TNNI3K: variants seen among roughly 807,000 people sequenced by gnomAD.
The protein encoded by TNNI3K is TNNI3 interacting kinase.
TNNI3K carries 140 observed loss-of-function variants against 114.5 expected under a neutral mutation model. The ratio of observed to expected loss-of-function variants is 1.22; its 90% CI spans 1.07 to 1.41. The LOEUF is 1.41. Ranked by LOEUF, TNNI3K falls within the 40% of genes most tolerant of loss-of-function variation. The pLI is 0.00. For synonymous variants in TNNI3K, 347 were observed against 347.5 expected (o/e 1.00, Z 0.02); for missense variants, 1,125 against 1,007.6 (o/e 1.12, Z -1.58).
chr1:74,339,013 G>A (rs1307411062), intron 7 of TNNI3K, among the ~76,000 whole-genome samples: 1 of 151,974 alleles, frequency 6.6e-6, no homozygotes, highest in South Asian at 2.1e-4. Context: ...CTCTTCCAAG[G>A]GGTCAGGAAC....
At chr1:74,286,370 A>G (rs1242535811) in intron 5 of TNNI3K, among the ~76,000 whole-genome samples, 1 of 151,876 alleles carries the variant, frequency 6.6e-6, no homozygotes, top group African/African-American at 2.4e-5. Flanking sequence ...GGCTCATTCT[A>G]ATATCAGACC....
intron 5 of TNNI3K, among the ~76,000 whole-genome samples, chr1:74,327,777 CTAAGTA>C (rs1299443583): frequency 6.8e-6 from 1 of 147,748 alleles, no homozygotes; most frequent in African/African-American, 2.5e-5. Context: ...TTATATAAAT[CTAAGTA>C]TGATACAATT....
chr1:74,489,447 A>C (rs1250290237), intron 22 of TNNI3K, among the ~76,000 whole-genome samples, 199 bp downstream of exon 22: 1 of 152,226 alleles, frequency 6.6e-6, no homozygotes, highest in African/African-American at 2.4e-5. Context: ...GTCAGAGTGA[A>C]TTCGAGACCT....
chr1:74,533,487 T>C (rs1193924921), intron 23 of TNNI3K, among the ~76,000 whole-genome samples: 1 of 152,096 alleles, frequency 6.6e-6, no homozygotes, highest in African/African-American at 2.4e-5. Context: ...GTTCAACCAT[T>C]GTGGAAGTCA....
intron 21 of TNNI3K, chr1:74,471,385 A>G (rs1667925333): frequency 7.5e-6 from 3 of 400,592 alleles, no homozygotes; most frequent in Non-Finnish European, 1.3e-5. Context: ...AGGAGGCAAC[A>G]ATACCTGCTT....
chr1:74,415,164 T>C (rs1428485155), intron 17 of TNNI3K, among the ~76,000 whole-genome samples: 1 of 152,148 alleles, frequency 6.6e-6, no homozygotes, highest in African/African-American at 2.4e-5. Flanking sequence ...TCCCTCAGGT[T>C]GAAACAGTTT....
rs2100304367 is a variant in TNNI3K, at chr1:74,492,096, G to T, written c.2182-1G>T. On this transcript the variant is annotated splice_acceptor_variant, in intron 22 of 24. Coordinates refer to ENST00000326637, the MANE Select transcript of TNNI3K (RefSeq NM_015978.3). LOFTEE classifies it high-confidence loss of function. ...ATTGAAATTGCCCCTCCTCCACTCA[G>T]CTGATGTCTCCTGCATCAAGTAACA... is the stretch of plus-strand genomic sequence containing the variant. 1 of 1,560,008 alleles carries T rather than the reference G, an allele frequency of 6.4e-7. No homozygotes were observed. The highest frequency in any genetic ancestry group is 8.7e-7 in the Non-Finnish European group (1 of 1,144,030).
At chr1:74,238,375 GTAAAT>G in intron 2 of TNNI3K, among the ~76,000 whole-genome samples, 1 of 152,020 alleles carries the variant, frequency 6.6e-6, no homozygotes, top group Non-Finnish European at 1.5e-5. Flanking sequence ...TCAAAATGAG[GTAAAT>G]TAAATACTAA....
chr1:74,342,790 G>A, intron 7 of TNNI3K, 52 bp from the exon 8 acceptor site: 1 of 1,603,918 alleles, frequency 6.2e-7, no homozygotes, highest in Non-Finnish European at 8.5e-7. Flanking sequence ...TATGAAGGTT[G>A]AGAAACAAAC....
intron 5 of TNNI3K, among the ~76,000 whole-genome samples, chr1:74,330,143 TG>T (rs1220766023): frequency 6.6e-6 from 1 of 152,056 alleles, no homozygotes; most frequent in African/African-American, 2.4e-5. Flanking sequence ...TTAACAAGTT[TG>T]TTGTGAAAGG....
intron 11 of TNNI3K, among the ~76,000 whole-genome samples, chr1:74,363,117 G>A (rs1662058036): frequency 6.6e-6 from 1 of 152,056 alleles, no homozygotes; most frequent in African/African-American, 2.4e-5. Context: ...TTATCTGGGT[G>A]TATCCATTAT....
At chr1:74,531,564 C>T (rs1285835813) in intron 23 of TNNI3K, among the ~76,000 whole-genome samples, 1 of 152,154 alleles carries the variant, frequency 6.6e-6, no homozygotes, top group Non-Finnish European at 1.5e-5. Flanking sequence ...CTGTTTTCAG[C>T]TAAATGCCAA....
intron 17 of TNNI3K, among the ~76,000 whole-genome samples, chr1:74,388,367 C>T (rs534344223): frequency 1.3e-5 from 2 of 152,262 alleles, no homozygotes; most frequent in African/African-American, 4.8e-5. Flanking sequence ...GCTTTGTTTA[C>T]ATTAATCATC....
chr1:74,532,938 G>A (rs1407878345), intron 23 of TNNI3K, among the ~76,000 whole-genome samples: 2 of 152,030 alleles, frequency 1.3e-5, no homozygotes, highest in Non-Finnish European at 2.9e-5. Context: ...AGACTTAAAC[G>A]CTAGACCTAA....
intron 17 of TNNI3K, among the ~76,000 whole-genome samples, chr1:74,390,702 A>G (rs995592801): frequency 6.6e-6 from 1 of 152,148 alleles, no homozygotes; most frequent in African/African-American, 2.4e-5. Context: ...GACAGATAAT[A>G]ATATAAATAA....
intron 23 of TNNI3K, among the ~76,000 whole-genome samples, chr1:74,514,271 G>T (rs563665670): frequency 5.9e-5 from 9 of 152,232 alleles, no homozygotes; most frequent in African/African-American, 2.2e-4. Context: ...GTTTTAAAGC[G>T]TTTTCACACA....
At chr1:74,417,683 TG>T (rs1353291183) in intron 17 of TNNI3K, among the ~76,000 whole-genome samples, 3 of 1,198 alleles carry the variant, frequency 2.5e-3, no homozygotes, top group African/African-American at 7.2e-3. Context: ...TGTACGTGTT[TG>T]TGTGTGTGTG....
At chr1:74,284,598 C>T (rs191535930) in intron 5 of TNNI3K, among the ~76,000 whole-genome samples, 2 of 152,320 alleles carry the variant, frequency 1.3e-5, no homozygotes, top group Admixed American at 1.3e-4. Flanking sequence ...CACACAAAAC[C>T]TTCTAAAGTC....
intron 9 of TNNI3K, among the ~76,000 whole-genome samples, chr1:74,353,004 C>A (rs1661451665): frequency 6.6e-6 from 1 of 152,182 alleles, no homozygotes; most frequent in South Asian, 2.1e-4. Flanking sequence ...GAACCCAGTA[C>A]CTCAGTTGGA....
Sources: gnomAD v4.1 joint callset for allele counts (sites outside exome capture counted in the v4.1 genomes callset) on GRCh38, gnomAD v4.1.1 for gene constraint, MANE v1.5 for transcripts, NCBI Gene and HGNC (gene_info 2026-07-23, HGNC 2026-07-21) for gene names.